GTPBP10: variants seen among roughly 807,000 people sequenced by gnomAD.
GTPBP10 encodes GTP binding protein 10, also known as GTP-binding protein 10.
In GTPBP10, 38 loss-of-function variants were observed where a neutral mutation model predicts 44.8. That is an observed-to-expected ratio of 0.85 (90% CI 0.65 to 1.11). The LOEUF is 1.11. Ranked by LOEUF, GTPBP10 falls within the 50% of genes most tolerant of loss-of-function variation. The pLI is 0.00. For synonymous variants in GTPBP10, 152 were observed against 150.6 expected (o/e 1.01, Z -0.07); for missense variants, 462 against 453.7 (o/e 1.02, Z -0.17).
chr7:90,357,088 A>G (rs1795917210), intron 4 of GTPBP10, among the ~76,000 whole-genome samples: 1 of 152,210 alleles, frequency 6.6e-6, no homozygotes, highest in African/African-American at 2.4e-5. Context: ...AATGGACTGA[A>G]TCACAGAAGA....
rs369411607 is a variant in GTPBP10 at position 90,383,037 on chromosome 7, G to T, written c.859G>T (p.Asp287Tyr). ...VNKMDLPDAQ[D>Y]KFHELMSQLQ... ...TAAAATGGACTTGCCAGATGCCCAA[G>T]ATAAGTTCCATGAATTGATGAGCCA... The change falls in exon 9 of 10, where the codon GAT (aspartate) becomes TAT (tyrosine). Residue 287 changes from aspartate (D) to tyrosine (Y), a missense_variant. By Grantham distance (160) the Asp-to-Tyr change is radical. Coordinates refer to ENST00000222511, the MANE Select transcript of GTPBP10 (RefSeq NM_033107.4). 144 of 1,595,090 alleles carry T rather than the reference G, an allele frequency of 9.0e-5. No homozygotes were observed. The highest frequency in any genetic ancestry group is 1.2e-4 in the Non-Finnish European group (142 of 1,168,298).
chr7:90,351,842 C>A (rs377716805), intron 1 of GTPBP10, among the ~76,000 whole-genome samples: 74 of 152,248 alleles, frequency 4.9e-4, no homozygotes, highest in African/African-American at 1.3e-3. Context: ...ACTACAGGCG[C>A]CCGCCACCAC....
At chr7:90,361,882 T>C (rs1340957140) in intron 4 of GTPBP10, among the ~76,000 whole-genome samples, 2 of 152,250 alleles carry the variant, frequency 1.3e-5, no homozygotes, top group Non-Finnish European at 2.9e-5. Context: ...TCGAGGAATT[T>C]ATCCGTTTCT....
rs1434006221 is a variant in GTPBP10, at chr7:90,390,684, T to C, written c.*5530T>C. The C allele has an allele frequency of 3.3e-5, 5 of 152,298 alleles. No homozygotes were observed. The highest frequency in any genetic ancestry group is 7.4e-5 in the Non-Finnish European group (5 of 68,012). The allele number at this position is 152,298 out of a possible 1,614,324, so 9.4% of individuals were successfully genotyped here. A position where few individuals can be genotyped will look rare whatever the true frequency, so the allele number is the denominator to read the frequency against. On this transcript the variant is annotated 3_prime_UTR_variant, in exon 10 of 10. Coordinates refer to ENST00000222511, the MANE Select transcript of GTPBP10 (RefSeq NM_033107.4). ...CTAAATTCTGAGTGCATTGAAAGTT[T>C]AAAGCAAAGGACAAAAGCTTCCTTT...
intron 1 of GTPBP10, among the ~76,000 whole-genome samples, chr7:90,348,577 C>CT (rs887784575): frequency 1.6e-4 from 23 of 145,288 alleles, no homozygotes; most frequent in Admixed American, 5.1e-4. Flanking sequence ...GTTGAATAGA[C>CT]TGAGGAGGAA....
rs1471824855 is a variant in GTPBP10, at chr7:90,358,245, A to C, written c.464+3015A>C. Reference sequence around the variant, plus strand: ...AACCAAGGTCGAGAAAGATCTCTACAAGGAGAACTACAGAACACTGCTGAA... The same window carrying C: ...AACCAAGGTCGAGAAAGATCTCTACCAGGAGAACTACAGAACACTGCTGAA... On this transcript the variant is annotated intron_variant, in intron 4 of 9. Coordinates refer to ENST00000222511, the MANE Select transcript of GTPBP10 (RefSeq NM_033107.4). 3.3e-5 allele frequency among the ~76,000 whole-genome samples: 5 copies of C among 152,214 alleles called. 1 individual carries two copies. The South Asian group carries it at 6.2e-4, about 19-fold the overall frequency.
At chr7:90,354,692 A>G in intron 3 of GTPBP10, 143 bp downstream of exon 3, 1 of 501,116 alleles carries the variant, frequency 2.0e-6, no homozygotes, top group Non-Finnish European at 3.5e-6. Flanking sequence ...TTTAAAACTT[A>G]TAAAAGTTAA....
intron 9 of GTPBP10, 44 bp from the exon 10 acceptor site, chr7:90,384,848 T>C (rs1050282799): frequency 6.5e-7 from 1 of 1,546,012 alleles, no homozygotes; most frequent in Non-Finnish European, 8.7e-7. Flanking sequence ...TAACTAACTT[T>C]CGAAAACAAT....
At chr7:90,356,878 G>A (rs6945968) in intron 4 of GTPBP10, among the ~76,000 whole-genome samples, 1 of 152,062 alleles carries the variant, frequency 6.6e-6, no homozygotes, top group African/African-American at 2.4e-5. Context: ...TGAAATACTA[G>A]GCTTTTCAGA....
chr7:90,375,862 T>C (rs937770468), intron 6 of GTPBP10, among the ~76,000 whole-genome samples: 3 of 152,026 alleles, frequency 2.0e-5, no homozygotes, highest in Non-Finnish European at 4.4e-5. Context: ...ACTAAATCTC[T>C]TGGGGGTAGG....
Position 90,377,621 on chromosome 7 carries a change from CAT to C in GTPBP10, c.699+10_699+11del, listed in dbSNP as rs767592917. Reference sequence around the variant, plus strand: ...TAGACAACTACTTTTTGTTGTAAGTCATATGTATACTAATGTGATATTCAAAT... The same window carrying C: ...TAGACAACTACTTTTTGTTGTAAGTCATGTATACTAATGTGATATTCAAAT... On this transcript the variant is annotated splice_region_variant and intron_variant, in intron 7 of 9. Coordinates refer to ENST00000222511, the MANE Select transcript of GTPBP10 (RefSeq NM_033107.4). 6.7e-7 allele frequency: 1 copy of C among 1,498,826 alleles called. No homozygotes were observed. Among genetic ancestry groups the C allele is most frequent in the East Asian group, 2.3e-5 (1 of 44,140 alleles). The allele number at this position is 1,498,826 out of a possible 1,614,324, so 92.8% of individuals were successfully genotyped here.
intron 4 of GTPBP10, among the ~76,000 whole-genome samples, chr7:90,365,762 C>T (rs1470772380): frequency 1.3e-5 from 2 of 152,240 alleles, no homozygotes; most frequent in Admixed American, 6.5e-5. Context: ...TTATTTCTCT[C>T]TCTTGCCTGA....
At chr7:90,354,296 G>A (rs1795850373) in intron 2 of GTPBP10, among the ~76,000 whole-genome samples, 162 bp from the exon 3 acceptor site, 1 of 152,016 alleles carries the variant, frequency 6.6e-6, no homozygotes, top group African/African-American at 2.4e-5. Flanking sequence ...GAAATAATTA[G>A]GGATAATTTT....
At position 90,387,099 on chromosome 7, in the gene GTPBP10, G is replaced by C. The variant is rs1243086620; in HGVS notation, c.*1945G>C. The C allele has an allele frequency of 6.6e-6, 1 of 152,154 alleles. No individual in the cohort carries two copies. The highest frequency in any genetic ancestry group is 1.9e-4 in the East Asian group (1 of 5,196). 9.4% of individuals were successfully genotyped at this position (152,154 alleles called of 1,614,324 possible). On this transcript the variant is annotated 3_prime_UTR_variant, in exon 10 of 10. Transcript: ENST00000222511. ...GCCTGTTAATCTCAGCACTTTGGGA[G>C]GCTGAGGCAGGAAGACCACTTGAGG...
At chr7:90,375,959 G>A (rs796381208) in intron 6 of GTPBP10, among the ~76,000 whole-genome samples, 3 of 152,006 alleles carry the variant, frequency 2.0e-5, no homozygotes, top group African/African-American at 7.2e-5. Flanking sequence ...GGGTGTGGTG[G>A]CTTACACCTG....
At chr7:90,353,119 T>C in intron 2 of GTPBP10, 110 bp downstream of exon 2, 1 of 701,952 alleles carries the variant, frequency 1.4e-6, no homozygotes, top group Non-Finnish European at 2.3e-6. Context: ...AATTATTTCC[T>C]GTATTTATAA....
chr7:90,360,171 T>C, intron 4 of GTPBP10, among the ~76,000 whole-genome samples: 1 of 152,168 alleles, frequency 6.6e-6, no homozygotes, highest in South Asian at 2.1e-4. Context: ...ATTTTGTCTT[T>C]TGTTGCCATT....
chr7:90,367,590 C>G (rs1796160192), intron 4 of GTPBP10, among the ~76,000 whole-genome samples: 1 of 152,130 alleles, frequency 6.6e-6, no homozygotes, highest in South Asian at 2.1e-4. Context: ...TTATCAGAGA[C>G]TAGGATTGCA....
chr7:90,363,898 C>CT (rs1584635476), intron 4 of GTPBP10, among the ~76,000 whole-genome samples: 1 of 152,208 alleles, frequency 6.6e-6, no homozygotes, highest in East Asian at 1.9e-4. Flanking sequence ...TCTTCAGTCA[C>CT]TGATACCCTT....
Sources: gnomAD v4.1 joint callset for allele counts (sites outside exome capture counted in the v4.1 genomes callset) on GRCh38, gnomAD v4.1.1 for gene constraint, MANE v1.5 for transcripts, NCBI Gene and HGNC (gene_info 2026-07-23, HGNC 2026-07-21) for gene names.